The following NDST3 variants were observed in gnomAD, a reference collection of about 807,000 sequenced individuals.
The protein encoded by NDST3 is bifunctional heparan sulfate N-deacetylase/N-sulfotransferase 3.
Under a neutral mutation model 96.1 loss-of-function variants are expected in NDST3, and 58 were observed. The ratio of observed to expected loss-of-function variants is 0.60; its 90% confidence interval spans 0.49 to 0.75. The LOEUF is 0.75. Among genes scored for constraint, NDST3 ranks in the 30% least tolerant of loss-of-function variants. The probability of loss-of-function intolerance (pLI) is 0.00; values close to 1 mark genes in which losing one functional copy is unlikely to be tolerated. For missense variants in NDST3, 788 were observed against 1,034.2 expected (o/e 0.76, Z 3.27); for synonymous variants, 333 against 359.7 (o/e 0.93, Z 0.84).
intron 7 of NDST3, among the ~76,000 whole-genome samples, chr4:118,226,158 T>G (rs1469238510): frequency 6.6e-6 from 1 of 152,138 alleles, no homozygotes; most frequent in East Asian, 1.9e-4. Context: ...GAAATAATAT[T>G]AAAGGGTACT....
chr4:118,076,323 C>T (rs1727526380), intron 2 of NDST3, among the ~76,000 whole-genome samples: 1 of 152,036 alleles, frequency 6.6e-6, no homozygotes, highest in African/African-American at 2.4e-5. Flanking sequence ...TCTGAATTCC[C>T]TGAATTTTAA....
chr4:118,083,965 T>C (rs1162376982), intron 2 of NDST3, among the ~76,000 whole-genome samples: 2 of 152,174 alleles, frequency 1.3e-5, no homozygotes, highest in Non-Finnish European at 2.9e-5. Flanking sequence ...GTAGACTCCA[T>C]TGCCAATGAG....
intron 6 of NDST3, among the ~76,000 whole-genome samples, chr4:118,164,517 C>T (rs2125929676): frequency 6.6e-6 from 1 of 152,116 alleles, no homozygotes; most frequent in Admixed American, 6.5e-5. Flanking sequence ...GAAATAAAGA[C>T]CTATATAAGC....
At chr4:118,082,340 G>T (rs1346720682) in intron 2 of NDST3, among the ~76,000 whole-genome samples, 4 of 152,160 alleles carry the variant, frequency 2.6e-5, no homozygotes. Context: ...GGCAGAAGGT[G>T]CAACACTCTT....
intron 6 of NDST3, among the ~76,000 whole-genome samples, chr4:118,159,463 C>T (rs1396578795): frequency 1.3e-5 from 2 of 152,008 alleles, no homozygotes; most frequent in East Asian, 3.9e-4. Context: ...CTATACAAAC[C>T]CTGTTTTTTA....
At chr4:118,065,602 A>G (rs1464410180) in intron 2 of NDST3, among the ~76,000 whole-genome samples, 1 of 152,094 alleles carries the variant, frequency 6.6e-6, no homozygotes, top group East Asian at 1.9e-4. Context: ...ACTACCACAT[A>G]GTCACCTAAG....
chr4:118,151,741 A>C (rs1734413976), intron 6 of NDST3, among the ~76,000 whole-genome samples: 1 of 152,214 alleles, frequency 6.6e-6, no homozygotes, highest in Non-Finnish European at 1.5e-5. Flanking sequence ...AAAAAACAGT[A>C]AGAATTAATG....
intron 2 of NDST3, among the ~76,000 whole-genome samples, chr4:118,096,076 G>A (rs79900430): frequency 1.3e-5 from 2 of 151,738 alleles, no homozygotes; most frequent in Non-Finnish European, 2.9e-5. Flanking sequence ...TTGTTCTTGT[G>A]GTACATACCT....
At chr4:118,136,614 T>C (rs1407343772) in intron 4 of NDST3, among the ~76,000 whole-genome samples, 1 of 152,218 alleles carries the variant, frequency 6.6e-6, no homozygotes, top group African/African-American at 2.4e-5. Flanking sequence ...TATGAAACTT[T>C]ACCTCTCACC....
chr4:118,228,684 C>A (rs1053482206), intron 8 of NDST3, among the ~76,000 whole-genome samples: 1 of 152,116 alleles, frequency 6.6e-6, no homozygotes, highest in African/African-American at 2.4e-5. Context: ...CCACCACATT[C>A]AAAATACAGA....
chr4:118,122,492 TTC>T lies in NDST3; in HGVS notation c.1224+7534_1224+7535del, dbSNP rs869139080. ...GCATTTAACAATTTCTTTCAGTTTT[TTC>T]TTTCTTTTGTACCAGCTCCTGCTCC... On this transcript the variant is annotated intron_variant, in intron 4 of 13. Coordinates refer to ENST00000296499, the MANE Select transcript of NDST3 (RefSeq NM_004784.3). 5.8e-5 allele frequency among the ~76,000 whole-genome samples: 3 copies of T among 51,760 alleles called. No homozygotes were observed. The Admixed American group carries it at 1.0e-3, about 18-fold the overall frequency. The allele number at this position is 51,760 out of a possible 152,430, so 34.0% of individuals were successfully genotyped here.
chr4:118,148,311 G>A (rs924284526), intron 6 of NDST3, among the ~76,000 whole-genome samples: 8 of 151,952 alleles, frequency 5.3e-5, no homozygotes, highest in East Asian at 3.9e-4. Context: ...AAAAATGCGC[G>A]CCAATACTAC....
At chr4:118,246,192 T>C (rs1341145651) in intron 12 of NDST3, among the ~76,000 whole-genome samples, 1 of 152,168 alleles carries the variant, frequency 6.6e-6, no homozygotes, top group Non-Finnish European at 1.5e-5. Flanking sequence ...TAAAATAACA[T>C]TGAAATACCA....
chr4:118,085,355 C>T (rs984998362), intron 2 of NDST3, among the ~76,000 whole-genome samples: 4 of 151,932 alleles, frequency 2.6e-5, no homozygotes, highest in African/African-American at 9.7e-5. Context: ...ACAACAGTCC[C>T]AAAACTGCCT....
intron 6 of NDST3, chr4:118,193,913 A>G: frequency 1.0e-6 from 1 of 976,630 alleles, no homozygotes; most frequent in South Asian, 1.3e-5. Flanking sequence ...ATATTATAGT[A>G]AAGCTTGCTT....
intron 2 of NDST3, among the ~76,000 whole-genome samples, chr4:118,102,718 T>C (rs1422884526): frequency 6.6e-6 from 1 of 152,074 alleles, no homozygotes; most frequent in African/African-American, 2.4e-5. Context: ...AAGGTGGGAA[T>C]AATGGATGAA....
intron 6 of NDST3, among the ~76,000 whole-genome samples, chr4:118,213,336 T>A (rs1415007710): frequency 2.0e-5 from 3 of 152,138 alleles, no homozygotes; most frequent in Non-Finnish European, 1.5e-5. Context: ...CCAAGACAGG[T>A]GGCACAATAA....
chr4:118,218,366 T>G (rs906636682), intron 6 of NDST3, among the ~76,000 whole-genome samples: 3 of 152,164 alleles, frequency 2.0e-5, no homozygotes, highest in Non-Finnish European at 2.9e-5. Flanking sequence ...GCTTCATCCC[T>G]GGGATTCAAG....
chr4:118,237,587 G>C (rs1324199542), intron 10 of NDST3, among the ~76,000 whole-genome samples: 9 of 152,066 alleles, frequency 5.9e-5, no homozygotes, highest in Non-Finnish European at 1.0e-4. Flanking sequence ...TCTATAAAGA[G>C]TCAGATTGCA....
Sources: allele counts gnomAD v4.1 joint callset (sites outside exome capture counted in the v4.1 genomes callset), GRCh38; gene constraint gnomAD v4.1.1; transcripts MANE v1.5; gene names NCBI Gene and HGNC (gene_info 2026-07-23, HGNC 2026-07-21).